Variants in ZFHX4 observed in about 807,000 individuals in gnomAD.
The protein encoded by ZFHX4 is zinc finger homeobox 4, also known as zinc finger homeobox protein 4.
A neutral mutation model predicts 267.6 loss-of-function variants in ZFHX4; 56 were observed. That is an observed-to-expected ratio of 0.21 (90% confidence interval 0.17 to 0.26). The LOEUF (loss-of-function observed/expected upper bound fraction) is 0.26. Ranked by LOEUF, ZFHX4 falls within the 10% of genes least tolerant of loss-of-function variation. The pLI is 1.00. For synonymous variants in ZFHX4, 1,778 were observed against 1,665.6 expected (o/e 1.07, Z -1.64); for missense variants, 4,332 against 4,420.0 (o/e 0.98, Z 0.56).
chr8:76,789,177 C>T (rs748127457), intron 4 of ZFHX4, among the ~76,000 whole-genome samples: 3 of 152,128 alleles, frequency 2.0e-5, no homozygotes, highest in African/African-American at 4.8e-5. Flanking sequence ...AAAATCCACT[C>T]CTGGATGAGT....
chr8:76,747,919 C>T lies in ZFHX4; in HGVS notation c.3094-30289C>T, dbSNP rs544368763. Reference sequence around the variant, plus strand: ...TGCACTTCCAGCCTGGGCAACAGAGCGAGGCTCTATCTCAAAACAAACAAA... The same window carrying T: ...TGCACTTCCAGCCTGGGCAACAGAGTGAGGCTCTATCTCAAAACAAACAAA... On this transcript the variant is annotated intron_variant, in intron 3 of 10. Coordinates refer to ENST00000651372, the MANE Select transcript of ZFHX4 (RefSeq NM_024721.5). Among the ~76,000 whole-genome samples, 7 of 150,666 alleles carry T rather than the reference C, an allele frequency of 4.6e-5. No homozygotes were observed. The East Asian group carries it at 9.8e-4, about 21-fold the overall frequency.
At chr8:76,703,493 T>C (rs1808157162) in intron 1 of ZFHX4, 1 of 152,324 alleles carries the variant, frequency 6.6e-6, no homozygotes, top group Admixed American at 6.5e-5. Context: ...ACTGGCAAAA[T>C]GAAAACCAGA....
chr8:76,703,473 A>G (rs1808156581), intron 1 of ZFHX4: 1 of 152,290 alleles, frequency 6.6e-6, no homozygotes, highest in Non-Finnish European at 1.5e-5. Context: ...GATTTGTAGT[A>G]AGCTGATTTA....
chr8:76,822,027 A>G (rs763474290), intron 4 of ZFHX4, among the ~76,000 whole-genome samples: 2 of 151,922 alleles, frequency 1.3e-5, no homozygotes, highest in African/African-American at 4.8e-5. Flanking sequence ...ATACACACAC[A>G]TGCACACACC....
At chr8:76,791,262 A>T (rs1810828352) in intron 4 of ZFHX4, among the ~76,000 whole-genome samples, 1 of 152,124 alleles carries the variant, frequency 6.6e-6, no homozygotes, top group African/African-American at 2.4e-5. Context: ...TACAGATCAC[A>T]CAGCACTGCT....
At chr8:76,706,945 A>G (rs1808292380) in intron 2 of ZFHX4, among the ~76,000 whole-genome samples, 1 of 152,242 alleles carries the variant, frequency 6.6e-6, no homozygotes, top group African/African-American at 2.4e-5. Flanking sequence ...AACAAAAGCT[A>G]ATTTGCATTA....
chr8:76,803,768 G>T (rs186231248), intron 4 of ZFHX4, among the ~76,000 whole-genome samples: 3 of 151,912 alleles, frequency 2.0e-5, no homozygotes, highest in African/African-American at 7.2e-5. Flanking sequence ...ACATCAGTAG[G>T]GATATTTTTG....
At chr8:76,726,759 G>A (rs1808865009) in intron 3 of ZFHX4, among the ~76,000 whole-genome samples, 1 of 152,068 alleles carries the variant, frequency 6.6e-6, no homozygotes, top group South Asian at 2.1e-4. Context: ...GACTATGAAA[G>A]GGCAATATTT....
chr8:76,697,057 A>G (rs1807978036), intron 1 of ZFHX4, among the ~76,000 whole-genome samples: 1 of 152,000 alleles, frequency 6.6e-6, no homozygotes, highest in Admixed American at 6.6e-5. Flanking sequence ...TTAGCCTGCA[A>G]GAAATGATTT....
chr8:76,849,645 A>T lies in ZFHX4; in HGVS notation c.3779A>T (p.His1260Leu). The stretch of plus-strand genomic sequence containing the variant: ...CAGGACGTCCTCAGCAACAAAATGC[A>T]TCTCCAACTGCATCTGACGCATTTG... ...LCQDVLSNKM[H>L]LQLHLTHLHS... is the part of the protein sequence containing the mutation. Residue 1260 changes from histidine (H) to leucine (L), a missense_variant, in exon 8 of 11, where the codon CAT (histidine) becomes CTT (leucine). By Grantham distance (99) the His-to-Leu change is moderately conservative (BLOSUM62 -3). Coordinates refer to ENST00000651372, the MANE Select transcript of ZFHX4 (RefSeq NM_024721.5). 6.2e-7 allele frequency: 1 copy of T among 1,613,938 alleles called. No individual in the cohort carries two copies. The highest frequency in any genetic ancestry group is 8.5e-7 in the Non-Finnish European group (1 of 1,179,872).
At chr8:76,766,844 T>C (rs530381769) in intron 3 of ZFHX4, among the ~76,000 whole-genome samples, 1 of 138,588 alleles carries the variant, frequency 7.2e-6, no homozygotes, top group African/African-American at 3.2e-5. Flanking sequence ...AATAATTTAT[T>C]ATCTCAAGAA....
intron 4 of ZFHX4, among the ~76,000 whole-genome samples, chr8:76,796,523 G>A (rs557126601): frequency 1.3e-5 from 2 of 152,224 alleles, no homozygotes; most frequent in Non-Finnish European, 2.9e-5. Context: ...GATTCATCTT[G>A]TATTTTTAAT....
intron 3 of ZFHX4, among the ~76,000 whole-genome samples, chr8:76,769,028 T>C (rs1810187866): frequency 6.6e-6 from 1 of 151,726 alleles, no homozygotes; most frequent in Admixed American, 6.6e-5. Flanking sequence ...AGCCCAGGAG[T>C]TCAAGACTGC....
rs1807542205 is a variant in ZFHX4 at position 76,681,945 on chromosome 8, A to C, written c.-47+325A>C. Among the ~76,000 whole-genome samples, 6 of 151,880 alleles carry C rather than the reference A, an allele frequency of 4.0e-5. No homozygotes were observed. The South Asian group carries it at 1.2e-3, about 32-fold the overall frequency. ...CTTTAGGGGGGCTGCGTTTTTCCGG[A>C]TTTAACTTTTGGATTAAGTGGCGGA... On this transcript the variant is annotated intron_variant, in intron 1 of 10. Coordinates refer to ENST00000651372, the MANE Select transcript of ZFHX4 (RefSeq NM_024721.5).
intron 4 of ZFHX4, among the ~76,000 whole-genome samples, chr8:76,792,258 G>A (rs1008696801): frequency 6.6e-6 from 1 of 152,128 alleles, no homozygotes; most frequent in Non-Finnish European, 1.5e-5. Flanking sequence ...CTGGTGTTTA[G>A]TTGGGGGAAG....
At chr8:76,856,389 T>A in intron 10 of ZFHX4, 89 bp downstream of exon 10, 2 of 1,416,510 alleles carry the variant, frequency 1.4e-6, no homozygotes, top group Non-Finnish European at 1.9e-6. Flanking sequence ...GCCTTTGGAT[T>A]TCTTTTAATT....
chr8:76,707,507 C>G lies in ZFHX4; in HGVS notation c.2591-39C>G, dbSNP rs748365363. 3.4e-6 allele frequency: 5 copies of G among 1,456,606 alleles called. No individual in the cohort carries two copies. In the East Asian group the frequency reaches 7.4e-5, roughly 22 times the overall value. 90.2% of individuals were successfully genotyped at this position (1,456,606 alleles called of 1,614,324 possible). ...GATTCCTTTGTGTGTGCTGTGTTTTCTAGTCTCTATTTTTCCTTTTAATTT... is the reference window on the plus strand; with the variant it reads ...GATTCCTTTGTGTGTGCTGTGTTTTGTAGTCTCTATTTTTCCTTTTAATTT... On this transcript the variant is annotated intron_variant, in intron 2 of 10. Coordinates refer to ENST00000651372, the MANE Select transcript of ZFHX4 (RefSeq NM_024721.5).
At chr8:76,846,496 C>G (rs1007569863) in intron 6 of ZFHX4, among the ~76,000 whole-genome samples, 2 of 152,042 alleles carry the variant, frequency 1.3e-5, no homozygotes, top group East Asian at 1.9e-4. Context: ...CTATAGCCAA[C>G]AGTTGTTGCA....
intron 4 of ZFHX4, among the ~76,000 whole-genome samples, chr8:76,828,816 A>G (rs2131881843): frequency 6.6e-6 from 1 of 152,376 alleles, no homozygotes; most frequent in East Asian, 1.9e-4. Context: ...CATGGGATTC[A>G]TAATGCTGCA....
Sources: gnomAD v4.1 joint callset for allele counts (sites outside exome capture counted in the v4.1 genomes callset) on GRCh38, gnomAD v4.1.1 for gene constraint, MANE v1.5 for transcripts, NCBI Gene and HGNC (gene_info 2026-07-23, HGNC 2026-07-21) for gene names.